Variants in SLC37A2 observed in about 807,000 individuals in gnomAD.
The protein encoded by SLC37A2 is glucose-6-phosphate exchanger SLC37A2.
In SLC37A2, 59 loss-of-function variants were observed where a neutral mutation model predicts 70.7. That is an observed-to-expected ratio of 0.83 (90% CI 0.68 to 1.04). The LOEUF (loss-of-function observed/expected upper bound fraction) is 1.04, where lower values mean the gene tolerates loss of function less well. SLC37A2 is among the 50% of genes least tolerant of loss of function. The pLI is 0.00. For missense variants in SLC37A2, 580 were observed against 658.1 expected, an observed-to-expected ratio of 0.88 and a Z score of 1.30; for synonymous variants, 257 against 262.1, an observed-to-expected ratio of 0.98 and a Z score of 0.19.
At chr11:125,077,598 C>T in intron 4 of SLC37A2, 70 bp downstream of exon 4, 1 of 1,186,418 alleles carries the variant, frequency 8.4e-7, no homozygotes. Context: ...CTTAAGGAAC[C>T]TGGGGGCAGC....
chr11:125,066,372 C>T (rs1333102456), intron 1 of SLC37A2, among the ~76,000 whole-genome samples: 1 of 152,186 alleles, frequency 6.6e-6, no homozygotes, highest in Non-Finnish European at 1.5e-5. Context: ...TGTGAAAAGC[C>T]AGTGCACTCC....
In SLC37A2 at chr11:125,083,373, C is replaced by T. The variant is rs762715614; in HGVS notation, c.977-442C>T. ...GAGCCAAGGCCTGTGACCTGAGGCC[C>T]CTGTGTCCCTGCAAGTCTCCTTCCT... On this transcript the variant is annotated intron_variant, in intron 10 of 17. Transcript: ENST00000403796. The surrounding 1 kb of genome is among the most constrained non-coding windows in gnomAD (Gnocchi z 4.6). The T allele has an allele frequency of 3.2e-5, 5 of 155,592 alleles. No individual in the cohort carries two copies. The highest frequency in any genetic ancestry group is 7.1e-5 in the Non-Finnish European group (5 of 70,354). The allele number at this position is 155,592 out of a possible 1,614,324, so 9.6% of individuals were successfully genotyped here. A position where few individuals can be genotyped will look rare whatever the true frequency, so the allele number is the denominator to read the frequency against.
rs774113588 is a variant in SLC37A2 at position 125,085,627 on chromosome 11, A to C, written c.1378A>C (p.Asn460His). 3 of 1,613,728 alleles carry C rather than the reference A, an allele frequency of 1.9e-6. No homozygotes were observed. Among genetic ancestry groups the C allele is most frequent in the Non-Finnish European group, 2.5e-6 (3 of 1,180,004 alleles). ...LAGLISPTGW[N>H]NVFYMLISAD... Reference sequence around the variant, plus strand: ...TGGGCTCATCTCCCCCACGGGCTGGAACAATGTCTTCTACATGCTCATCTC... The same window carrying C: ...TGGGCTCATCTCCCCCACGGGCTGGCACAATGTCTTCTACATGCTCATCTC... The change falls in exon 16 of 18, where the codon AAC (asparagine) becomes CAC (histidine). Residue 460 changes from asparagine (N) to histidine (H), a missense_variant. Transcript: ENST00000403796.
intron 10 of SLC37A2, 142 bp downstream of exon 10, chr11:125,082,476 G>A: frequency 1.3e-6 from 1 of 743,990 alleles, no homozygotes; most frequent in South Asian, 1.6e-5. Context: ...AGTGAAAGGA[G>A]CTTGATTTAG....
intron 1 of SLC37A2, among the ~76,000 whole-genome samples, chr11:125,074,596 G>A (rs1480126878): frequency 1.3e-5 from 2 of 151,626 alleles, no homozygotes; most frequent in African/African-American, 4.8e-5. Flanking sequence ...AGGGCGGGCT[G>A]GAGTTGACAC....
chr11:125,084,725 C>A, intron 12 of SLC37A2, 100 bp from the exon 13 acceptor site: 2 of 1,270,572 alleles, frequency 1.6e-6, no homozygotes, highest in South Asian at 2.5e-5. Context: ...ATAGGATGCC[C>A]TCTGGGGTTT....
chr11:125,069,401 A>T (rs1246629900), intron 1 of SLC37A2, among the ~76,000 whole-genome samples: 1 of 152,210 alleles, frequency 6.6e-6, no homozygotes, highest in African/African-American at 2.4e-5. Flanking sequence ...ATTACTTAAC[A>T]TCTCCCAGGC....
At chr11:125,066,691 C>T (rs1430376045) in intron 1 of SLC37A2, among the ~76,000 whole-genome samples, 4 of 151,616 alleles carry the variant, frequency 2.6e-5, no homozygotes, top group South Asian at 2.1e-4. Context: ...AGGTTAATTT[C>T]AAAAAACACA....
intron 1 of SLC37A2, among the ~76,000 whole-genome samples, chr11:125,065,285 G>A (rs1948969922): frequency 6.6e-6 from 1 of 152,172 alleles, no homozygotes; most frequent in Non-Finnish European, 1.5e-5. Context: ...ACAAAATAAA[G>A]CTGATCTCAT....
chr11:125,081,342 A>G (rs1177983599), intron 7 of SLC37A2, 79 bp from the exon 8 acceptor site: 17 of 1,343,450 alleles, frequency 1.3e-5, no homozygotes, highest in Non-Finnish European at 1.6e-5. Context: ...ATCCAGTGCA[A>G]GGTGAGGGCC....
intron 17 of SLC37A2, chr11:125,086,346 C>T: frequency 9.5e-7 from 1 of 1,048,668 alleles, no homozygotes; most frequent in Non-Finnish European, 1.5e-6. Context: ...ATGACTTTTT[C>T]CAACTTTCTC....
intron 1 of SLC37A2, among the ~76,000 whole-genome samples, chr11:125,065,398 A>G (rs2135556811): frequency 6.6e-6 from 1 of 152,284 alleles, no homozygotes; most frequent in East Asian, 1.9e-4. Flanking sequence ...CCTAGATTAG[A>G]TTTTTTAAAG....
chr11:125,079,789 A>T (rs760174818), intron 6 of SLC37A2, 29 bp downstream of exon 6: 57 of 1,559,230 alleles, frequency 3.7e-5, no homozygotes, highest in Non-Finnish European at 4.8e-5. Context: ...GAGGAGTGGG[A>T]AGGATTGGGA....
At chr11:125,065,915 T>C (rs1208878089) in intron 1 of SLC37A2, among the ~76,000 whole-genome samples, 2 of 152,238 alleles carry the variant, frequency 1.3e-5, no homozygotes, top group African/African-American at 2.4e-5. Context: ...TAAGTTCTTA[T>C]GGGTTAATAT....
In SLC37A2 at chr11:125,085,097, T is replaced by C. The variant is rs763123187; in HGVS notation, c.1206T>C (p.Asn402=). 1 of 1,614,104 alleles carries C rather than the reference T, an allele frequency of 6.2e-7. No individual in the cohort carries two copies. Among genetic ancestry groups the C allele is most frequent in the Non-Finnish European group, 8.5e-7 (1 of 1,179,990 alleles). Residue 402 remains asparagine, a synonymous_variant, in exon 14 of 18, where the codon AAT becomes AAC. Transcript: ENST00000403796. Reference sequence around the variant, plus strand: ...TGATCATCTGTGGGGGCCTGGTCAATGGCCCATACGCGCTCATCACCACTG... The same window carrying C: ...TGATCATCTGTGGGGGCCTGGTCAACGGCCCATACGCGCTCATCACCACTG... ...VMLIICGGLV[N]GPYALITTAV...
intron 2 of SLC37A2, 29 bp from the exon 3 acceptor site, chr11:125,077,201 C>G: frequency 6.5e-7 from 1 of 1,538,682 alleles, no homozygotes. Context: ...GGGTCAACCC[C>G]TGACCTGTAT....
chr11:125,085,888 G>A, intron 16 of SLC37A2, 66 bp from the exon 17 acceptor site: 1 of 1,474,286 alleles, frequency 6.8e-7, no homozygotes, highest in Non-Finnish European at 9.5e-7. Context: ...GGTCACCCTG[G>A]TGCTGGGCAC....
Position 125,080,504 on chromosome 11 carries a change from G to T in SLC37A2, c.528-110G>T. On this transcript the variant is annotated intron_variant, in intron 6 of 17. Transcript: ENST00000403796. The surrounding 1 kb of genome is among the most constrained non-coding windows in gnomAD (Gnocchi z 4.3). ...GCTTTGGGGCTGTCTTTGGTGCCTC[G>T]GGGAAGCTGTAGTCAGCCCAGCTTT... The T allele has an allele frequency of 9.3e-7, 1 of 1,077,242 alleles. No individual in the cohort carries two copies. The allele number at this position is 1,077,242 out of a possible 1,614,324, so 66.7% of individuals were successfully genotyped here. A position where few individuals can be genotyped will look rare whatever the true frequency, so the allele number is the denominator to read the frequency against.
intron 17 of SLC37A2, chr11:125,086,529 C>G (rs895363063): frequency 9.7e-5 from 45 of 465,482 alleles, no homozygotes; most frequent in Non-Finnish European, 3.9e-5. Flanking sequence ...ATAGGGAAAC[C>G]AGTTTCCCTC....
Sources: gnomAD v4.1 joint callset for allele counts (sites outside exome capture counted in the v4.1 genomes callset) on GRCh38, gnomAD v4.1.1 for gene constraint, Gnocchi (gnomAD v3.1) non-coding constraint, MANE v1.5 for transcripts, NCBI Gene and HGNC (gene_info 2026-07-23, HGNC 2026-07-21) for gene names.